KIR3DL1: variants seen among roughly 807,000 people sequenced by gnomAD.
KIR3DL1 encodes the protein killer cell immunoglobulin-like receptor 3DL1.
In KIR3DL1, 50 loss-of-function variants were observed where a neutral mutation model predicts 40.3. The observed-to-expected ratio is 1.24, with a 90% CI of 0.99 to 1.57. The LOEUF (loss-of-function observed/expected upper bound fraction) is 1.57, where lower values mean the gene tolerates loss of function less well. KIR3DL1 is among the 40% of genes most tolerant of loss of function. The pLI, the probability that KIR3DL1 is intolerant of heterozygous loss-of-function variation, is 0.00. For missense variants in KIR3DL1, 661 were observed against 559.9 expected, an observed-to-expected ratio of 1.18 and a Z score of -1.82; for synonymous variants, 257 against 207.2, an observed-to-expected ratio of 1.24 and a Z score of -2.07.
At chr19:54,823,734 C>T (rs1338691914) in intron 5 of KIR3DL1, among the ~76,000 whole-genome samples, 2 of 151,432 alleles carry the variant, frequency 1.3e-5, no homozygotes, top group South Asian at 2.1e-4. Context: ...TCAGGTGATC[C>T]GCCCACCTCC....
chr19:54,818,059 T>A (rs1451099577), intron 2 of KIR3DL1, among the ~76,000 whole-genome samples: 1 of 148,646 alleles, frequency 6.7e-6, no homozygotes, highest in Non-Finnish European at 1.5e-5. Flanking sequence ...GTCTACTTTG[T>A]GTTGTTTTAT....
At position 54,816,580 on chromosome 19, in the gene KIR3DL1, T is replaced by A. The variant is rs937142895; in HGVS notation, c.34+46T>A. On this transcript the variant is annotated intron_variant, in intron 1 of 8. Transcript: ENST00000391728. ...GAGGGAGGGAGTGCGGGGATGGAGA[T>A]CTGGACCTGGAGGTAAAGATATGGG... The A allele has an allele frequency of 8.8e-5, 141 of 1,605,070 alleles. 3 individuals carry two copies. The African/African-American group carries it at 1.7e-3, about 19-fold the overall frequency.
At chr19:54,827,955 T>C (rs1601424422) in intron 6 of KIR3DL1, among the ~76,000 whole-genome samples, 1 of 150,234 alleles carries the variant, frequency 6.7e-6, no homozygotes. Context: ...GGGAGGTAAA[T>C]GCTAATACTC....
chr19:54,818,315 G>A (rs752861582), exon 3 of KIR3DL1: 6 of 1,597,520 alleles, frequency 3.8e-6, no homozygotes, highest in Non-Finnish European at 5.1e-6. Flanking sequence ...TCTCCCCCAG[G>A]TGGTCAGGAC....
At chr19:54,830,194 C>T in exon 9 of KIR3DL1, 2 of 1,524,526 alleles carry the variant, frequency 1.3e-6, no homozygotes, top group Non-Finnish European at 1.8e-6. Flanking sequence ...CTCAGAGGCC[C>T]AAGACACCCC....
intron 5 of KIR3DL1, among the ~76,000 whole-genome samples, chr19:54,822,588 A>C (rs2061693803): frequency 6.6e-6 from 1 of 150,604 alleles, no homozygotes; most frequent in Admixed American, 6.6e-5. Context: ...AGATCATGCC[A>C]CTGCACTGCA....
At position 54,823,865 on chromosome 19, in the gene KIR3DL1, T is replaced by C. The variant is rs914916581; in HGVS notation, c.950-1163T>C. Reference sequence around the variant, plus strand: ...TTCTCTGATGATGAGTGATGCCGAGTACTTTTTCATATACGTGATCGCCAT... The same window carrying C: ...TTCTCTGATGATGAGTGATGCCGAGCACTTTTTCATATACGTGATCGCCAT... On this transcript the variant is annotated intron_variant, in intron 5 of 8. Transcript: ENST00000391728. Among the ~76,000 whole-genome samples, 21 of 151,580 alleles carry C rather than the reference T, an allele frequency of 1.4e-4. 1 individual carries two copies. The highest frequency in any genetic ancestry group is 5.9e-4 in the Admixed American group (9 of 15,230).
intron 1 of KIR3DL1, among the ~76,000 whole-genome samples, chr19:54,817,319 G>T (rs367576399): frequency 6.8e-6 from 1 of 146,768 alleles, no homozygotes; most frequent in African/African-American, 2.6e-5. Context: ...ATCTGGGCCT[G>T]TTGTGTAGAT....
In KIR3DL1 at chr19:54,824,639, G is replaced by A. The variant is rs769387570; in HGVS notation, c.950-389G>A. Among the ~76,000 whole-genome samples, 419 of 142,636 alleles carry A rather than the reference G, an allele frequency of 2.9e-3. 4 individuals are homozygous for A. Among genetic ancestry groups the A allele is most frequent in the Middle Eastern group, 7.2e-3 (2 of 278 alleles). 93.6% of individuals were successfully genotyped at this position (142,636 alleles called of 152,430 possible). On this transcript the variant is annotated intron_variant, in intron 5 of 8. Coordinates refer to ENST00000391728, the Ensembl canonical transcript of KIR3DL1. Reference sequence around the variant, plus strand: ...TGCATTGAGCTGAGATTGCACCTCTGCACTCCAGCCTGCATGACAGAGCAA... The same window carrying A: ...TGCATTGAGCTGAGATTGCACCTCTACACTCCAGCCTGCATGACAGAGCAA...
In KIR3DL1 at chr19:54,817,788, G is replaced by A. The variant is rs1245657076; in HGVS notation, c.70+219G>A. Reference sequence around the variant, plus strand: ...GTGAGACTAGGGTGCTCCAAGATGGGTGTGCAGGGAGGAAGTGGTGTCAGC... The same window carrying A: ...GTGAGACTAGGGTGCTCCAAGATGGATGTGCAGGGAGGAAGTGGTGTCAGC... On this transcript the variant is annotated intron_variant, in intron 2 of 8. Transcript: ENST00000391728. Among the ~76,000 whole-genome samples, 4 of 148,484 alleles carry A rather than the reference G, an allele frequency of 2.7e-5. 1 individual carries two copies. Among genetic ancestry groups the A allele is most frequent in the Non-Finnish European group, 5.9e-5 (4 of 67,562 alleles).
At chr19:54,830,123 G>C in exon 9 of KIR3DL1, 1 of 1,524,076 alleles carries the variant, frequency 6.6e-7, no homozygotes, top group African/African-American at 1.4e-5. Context: ...AGACCCTGAG[G>C]AGGTGACATA....
chr19:54,821,100 A>T (rs2061608991), intron 4 of KIR3DL1, among the ~76,000 whole-genome samples: 1 of 150,408 alleles, frequency 6.6e-6, no homozygotes, highest in African/African-American at 2.5e-5. Context: ...AGAGAGATAG[A>T]TGATACATAT....
intron 3 of KIR3DL1, among the ~76,000 whole-genome samples, chr19:54,819,467 C>T (rs1307793797): frequency 6.6e-6 from 1 of 151,190 alleles, no homozygotes; most frequent in Non-Finnish European, 1.5e-5. Context: ...GATACAACAG[C>T]CCAAGAGATG....
In KIR3DL1 at chr19:54,830,093, C is replaced by T. The variant is rs2062140578; in HGVS notation, c.1159-6C>T. 1 of 1,521,874 alleles carries T rather than the reference C, an allele frequency of 6.6e-7. No homozygotes were observed. The highest frequency in any genetic ancestry group is 8.9e-7 in the Non-Finnish European group (1 of 1,121,870). 94.3% of individuals were successfully genotyped at this position (1,521,874 alleles called of 1,614,324 possible). The stretch of plus-strand genomic sequence containing the variant: ...CCTCCCTCACTCAGCATTTCCCTCT[C>T]TCCAGGACTCTGATGAACAAGACCC... On this transcript the variant is annotated splice_region_variant and splice_polypyrimidine_tract_variant and intron_variant, in intron 8 of 8. Coordinates refer to ENST00000391728, the Ensembl canonical transcript of KIR3DL1.
In KIR3DL1 at chr19:54,820,839, G is replaced by T. The variant is rs1014222061; in HGVS notation, c.656-726G>T. 3.3e-5 allele frequency among the ~76,000 whole-genome samples: 5 copies of T among 151,158 alleles called. 1 individual carries two copies. Among genetic ancestry groups the T allele is most frequent in the African/African-American group, 1.2e-4 (5 of 40,890 alleles). ...TAAATATGTGGGGATGGATTGCAGAGATTCCAAATAGAACTAGAGAGACTG... is the reference window on the plus strand; with the variant it reads ...TAAATATGTGGGGATGGATTGCAGATATTCCAAATAGAACTAGAGAGACTG... On this transcript the variant is annotated intron_variant, in intron 4 of 8. Coordinates refer to ENST00000391728, the Ensembl canonical transcript of KIR3DL1.
chr19:54,817,338 G>A (rs1405590358), intron 1 of KIR3DL1, among the ~76,000 whole-genome samples, 196 bp from the exon 2 acceptor site: 1 of 105,956 alleles, frequency 9.4e-6, no homozygotes, highest in Admixed American at 9.6e-5. Flanking sequence ...ATCTAGGCCT[G>A]GAGGTAGAGA....
At chr19:54,826,665 G>A (rs2061908291) in intron 6 of KIR3DL1, among the ~76,000 whole-genome samples, 1 of 149,264 alleles carries the variant, frequency 6.7e-6, no homozygotes, top group Admixed American at 6.7e-5. Flanking sequence ...ATAATTTTGG[G>A]TGACAGAGAA....
At chr19:54,821,203 GTAGA>G (rs1214600007) in intron 4 of KIR3DL1, among the ~76,000 whole-genome samples, 1 of 131,984 alleles carries the variant, frequency 7.6e-6, no homozygotes, top group Admixed American at 7.9e-5. Flanking sequence ...TAGATAATTT[GTAGA>G]TAGACACAAA....
intron 5 of KIR3DL1, among the ~76,000 whole-genome samples, chr19:54,824,685 CA>C (rs1162667016): frequency 3.9e-5 from 4 of 101,604 alleles, no homozygotes; most frequent in East Asian, 3.2e-4. Context: ...CACACACACA[CA>C]AAAAAAGCCA....
Sources: allele counts gnomAD v4.1 joint callset (sites outside exome capture counted in the v4.1 genomes callset), GRCh38; gene constraint gnomAD v4.1.1; transcripts MANE v1.5; gene names NCBI Gene and HGNC (gene_info 2026-07-23, HGNC 2026-07-21).